Variants in GRIN2B observed in about 807,000 individuals in gnomAD.
GRIN2B encodes glutamate receptor ionotropic, NMDA 2B.
A neutral mutation model predicts 114.5 loss-of-function variants in GRIN2B; 5 were observed. The observed-to-expected ratio is 0.04, with a 90% confidence interval of 0.02 to 0.09. The LOEUF (loss-of-function observed/expected upper bound fraction) is 0.09. Among genes scored for constraint, GRIN2B ranks in the 10% least tolerant of loss-of-function variants. The pLI, the probability that GRIN2B is intolerant of heterozygous loss-of-function variation, is 1.00. For synonymous variants in GRIN2B, 787 were observed against 745.1 expected, an observed-to-expected ratio of 1.06 and a Z score of -0.92; for missense variants, 1,108 against 1,943.5, an observed-to-expected ratio of 0.57 and a Z score of 8.08.
chr12:13,903,558 G>A (rs543987514), intron 2 of GRIN2B, among the ~76,000 whole-genome samples: 251 of 152,102 alleles, frequency 1.7e-3, no homozygotes, highest in Non-Finnish European at 2.7e-3. Flanking sequence ...ATTGCACTTC[G>A]ATCAGGAAGA....
At chr12:13,777,196 AG>A (rs1306320935) in intron 3 of GRIN2B, among the ~76,000 whole-genome samples, 1 of 152,158 alleles carries the variant, frequency 6.6e-6, no homozygotes, top group Non-Finnish European at 1.5e-5. Flanking sequence ...TAGAAACGCA[AG>A]GGCCACACAG....
Position 13,753,897 on chromosome 12 carries a change from A to G in GRIN2B, c.430T>C (p.Phe144Leu). The G allele has an allele frequency of 1.2e-6, 2 of 1,607,748 alleles. No individual in the cohort carries two copies. The highest frequency in any genetic ancestry group is 1.7e-6 in the Non-Finnish European group (2 of 1,174,228). Residue 144 changes from phenylalanine to leucine, a missense_variant, in exon 4 of 14, where the codon TTC (phenylalanine) becomes CTC (leucine). Phe to Leu is a conservative substitution (Grantham distance 22). This residue lies in a region of GRIN2B where 199 missense variants were observed against 439.6 expected (regional missense o/e 0.45). Coordinates refer to ENST00000609686, the MANE Select transcript of GRIN2B (RefSeq NM_000834.5). The surrounding 1 kb of genome is among the most constrained non-coding windows in gnomAD (Gnocchi z 6.2). ...MADKDESSMF[F>L]QFGPSIEQQA... Reference sequence around the variant, plus strand: ...TGTTCAATTGATGGGCCAAACTGGAAGAACATGGAGGATTCATCCTAGAAA... The same window carrying G: ...TGTTCAATTGATGGGCCAAACTGGAGGAACATGGAGGATTCATCCTAGAAA...
rs1051291896 is a variant in GRIN2B at position 13,553,080 on chromosome 12, G to C, written c.*9703C>G. The C allele has an allele frequency of 6.6e-6, 1 of 152,150 alleles. No individual in the cohort carries two copies. The highest frequency in any genetic ancestry group is 6.5e-5 in the Admixed American group (1 of 15,278). The allele number at this position is 152,150 out of a possible 1,614,324, so 9.4% of individuals were successfully genotyped here. ...CGGGAGAAGGAACGAAAACATTATC[G>C]GTTACCAGAGCAGCTGAAGTGAAAG... On this transcript the variant is annotated 3_prime_UTR_variant, in exon 14 of 14. Coordinates refer to ENST00000609686, the MANE Select transcript of GRIN2B (RefSeq NM_000834.5).
At chr12:13,886,462 C>T (rs1380211479) in intron 2 of GRIN2B, among the ~76,000 whole-genome samples, 1 of 152,096 alleles carries the variant, frequency 6.6e-6, no homozygotes, top group African/African-American at 2.4e-5. Flanking sequence ...GGGCAATGGA[C>T]TTTTGAGGCC....
chr12:13,683,398 T>A (rs866158487), intron 4 of GRIN2B: 7 of 152,266 alleles, frequency 4.6e-5, no homozygotes, highest in Middle Eastern at 6.8e-3. Flanking sequence ...ACAGTCTCCA[T>A]TCAAATCCTG....
chr12:13,675,902 G>T (rs1305003889), intron 4 of GRIN2B, 43 bp from the exon 5 acceptor site: 3 of 1,133,420 alleles, frequency 2.6e-6, no homozygotes, highest in East Asian at 2.4e-5. Flanking sequence ...TATGAAGAGG[G>T]TATACCATGA....
chr12:13,739,846 T>C (rs902161117), intron 4 of GRIN2B, among the ~76,000 whole-genome samples: 4 of 152,022 alleles, frequency 2.6e-5, no homozygotes, highest in African/African-American at 9.7e-5. Context: ...AGGAATCACA[T>C]CAAAGGGAAA....
At chr12:13,949,995 A>C (rs184056250) in intron 2 of GRIN2B, among the ~76,000 whole-genome samples, 1 of 152,208 alleles carries the variant, frequency 6.6e-6, no homozygotes, top group Admixed American at 6.5e-5. Context: ...AGGCACTTAA[A>C]TTACCTTTGA....
intron 5 of GRIN2B, among the ~76,000 whole-genome samples, chr12:13,626,088 A>G (rs995911518): frequency 1.3e-5 from 2 of 152,160 alleles, no homozygotes; most frequent in Non-Finnish European, 1.5e-5. Flanking sequence ...TCTTAGACTT[A>G]TAGGAGCTCA....
Position 13,798,646 on chromosome 12 carries a change from C to T in GRIN2B, c.412-44731G>A, listed in dbSNP as rs202122650. On this transcript the variant is annotated intron_variant, in intron 3 of 13. Transcript: ENST00000609686. Reference sequence around the variant, plus strand: ...ATCTGCCTTAAGATAACAAATGACACCACCTGTATCCCTTCCACCAAAACT... The same window carrying T: ...ATCTGCCTTAAGATAACAAATGACATCACCTGTATCCCTTCCACCAAAACT... 1.2e-4 allele frequency among the ~76,000 whole-genome samples: 18 copies of T among 152,312 alleles called. No homozygotes were observed. In the East Asian group the frequency reaches 1.7e-3, roughly 15 times the overall value.
chr12:13,700,341 G>A (rs1486706343), intron 4 of GRIN2B, among the ~76,000 whole-genome samples: 1 of 152,082 alleles, frequency 6.6e-6, no homozygotes. Flanking sequence ...CCAACTTGAG[G>A]TGATTGACAA....
intron 2 of GRIN2B, among the ~76,000 whole-genome samples, chr12:13,893,596 G>A (rs1866304107): frequency 6.6e-6 from 1 of 152,006 alleles, no homozygotes; most frequent in Non-Finnish European, 1.5e-5. Flanking sequence ...ACAGTGACCT[G>A]GAAATCTGTG....
At chr12:13,573,912 A>G (rs11055528) in intron 10 of GRIN2B, among the ~76,000 whole-genome samples, 39,776 of 152,144 alleles carry the variant, frequency 0.26, 5,971 homozygotes, top group East Asian at 0.53. Flanking sequence ...CCAAACAACT[A>G]CTACTTCCTG....
In GRIN2B at chr12:13,675,610, C is replaced by G. The variant is rs1021429212; in HGVS notation, c.1125+135G>C. 3 of 711,030 alleles carry G rather than the reference C, an allele frequency of 4.2e-6. No homozygotes were observed. The South Asian group carries it at 4.5e-5, about 11-fold the overall frequency. The allele number at this position is 711,030 out of a possible 1,614,324, so 44.0% of individuals were successfully genotyped here. ...CATGCAAGTTTGAGAAATGGCTTCT[C>G]CTGTGTATCAAGGTATTGATCCCTT... On this transcript the variant is annotated intron_variant, in intron 5 of 13. Coordinates refer to ENST00000609686, the MANE Select transcript of GRIN2B (RefSeq NM_000834.5).
chr12:13,972,090 A>G (rs1288669937), intron 2 of GRIN2B, among the ~76,000 whole-genome samples: 2 of 152,226 alleles, frequency 1.3e-5, no homozygotes, highest in African/African-American at 4.8e-5. Context: ...GTCATTCTCA[A>G]ATATGGCTTC....
At chr12:13,723,149 T>C (rs1862910243) in intron 4 of GRIN2B, among the ~76,000 whole-genome samples, 1 of 151,908 alleles carries the variant, frequency 6.6e-6, no homozygotes, top group African/African-American at 2.4e-5. Flanking sequence ...TTTTGTTTTT[T>C]ATTATTATAC....
At chr12:13,760,964 C>T (rs1396935168) in intron 3 of GRIN2B, among the ~76,000 whole-genome samples, 2 of 152,066 alleles carry the variant, frequency 1.3e-5, no homozygotes, top group East Asian at 1.9e-4. Context: ...CAGAGTTTTG[C>T]GAACAGTGTC....
At position 13,881,990 on chromosome 12, in the gene GRIN2B, T is replaced by G. The variant is rs573652955; in HGVS notation, c.-18-15764A>C. Among the ~76,000 whole-genome samples, 4 of 152,246 alleles carry G rather than the reference T, an allele frequency of 2.6e-5. 1 individual carries two copies. In the South Asian group the frequency reaches 6.2e-4, roughly 24 times the overall value. ...TCATTAATCATCTACACCTTAAAATTTACTCATTCTTCTATCATCCTGTGC... is the reference window on the plus strand; with the variant it reads ...TCATTAATCATCTACACCTTAAAATGTACTCATTCTTCTATCATCCTGTGC... On this transcript the variant is annotated intron_variant, in intron 2 of 13. Coordinates refer to ENST00000609686, the MANE Select transcript of GRIN2B (RefSeq NM_000834.5).
intron 4 of GRIN2B, among the ~76,000 whole-genome samples, chr12:13,712,541 C>T (rs1201711278): frequency 6.6e-6 from 1 of 151,746 alleles, no homozygotes; most frequent in Non-Finnish European, 1.5e-5. Context: ...TGAGACACAA[C>T]TAGTGATAAA....
Sources: gnomAD v4.1 joint callset for allele counts (sites outside exome capture counted in the v4.1 genomes callset) on GRCh38, gnomAD v4.1.1 for gene constraint, gnomAD v4.1.1 regional missense constraint, Gnocchi (gnomAD v3.1) non-coding constraint, MANE v1.5 for transcripts, NCBI Gene and HGNC (gene_info 2026-07-23, HGNC 2026-07-21) for gene names.